The following DNHD1 variants were observed in gnomAD, a reference collection of about 807,000 sequenced individuals.
DNHD1 encodes dynein heavy chain domain-containing protein 1.
In DNHD1, 383 loss-of-function variants were observed where a neutral mutation model predicts 458.1. The ratio of observed to expected loss-of-function variants is 0.84; its 90% confidence interval spans 0.77 to 0.91. DNHD1 has a LOEUF of 0.91. DNHD1 is among the 40% of genes least tolerant of loss of function. The pLI is 0.00. For synonymous variants in DNHD1, 2,203 were observed against 2,376.9 expected (o/e 0.93, Z 2.13); for missense variants, 5,336 against 5,866.1 (o/e 0.91, Z 2.95).
chr11:6,499,562 C>G (rs545420928), intron 3 of DNHD1, among the ~76,000 whole-genome samples: 16 of 151,948 alleles, frequency 1.1e-4, no homozygotes, highest in East Asian at 7.7e-4. Context: ...TCTTTTGTTT[C>G]TTTCTTTCTT....
In DNHD1 at chr11:6,566,678, G is replaced by A; in HGVS notation, c.11298G>A (p.Leu3766=). 1 of 1,613,400 alleles carries A rather than the reference G, an allele frequency of 6.2e-7. No homozygotes were observed. Among genetic ancestry groups the A allele is most frequent in the South Asian group, 1.1e-5 (1 of 90,858 alleles). The change falls in exon 35 of 43, where the codon TTG becomes TTA. Residue 3766 remains leucine, a synonymous_variant. Coordinates refer to ENST00000254579, the MANE Select transcript of DNHD1 (RefSeq NM_144666.3). ...ILEEQMLHEI[L]CREYPELETR... The stretch of plus-strand genomic sequence containing the variant: ...AAGAACAGATGCTGCATGAAATCTT[G>A]TGCAGAGAGTATCCTGAACTCGAGA...
At position 6,565,699 on chromosome 11, in the gene DNHD1, A is replaced by G; in HGVS notation, c.10761A>G (p.Lys3587=). 2 of 1,544,064 alleles carry G rather than the reference A, an allele frequency of 1.3e-6. No homozygotes were observed. Among genetic ancestry groups the G allele is most frequent in the Non-Finnish European group, 1.7e-6 (2 of 1,144,104 alleles). ...FAPALTEGRG[K]GLMRNQKRES... The stretch of plus-strand genomic sequence containing the variant: ...CTCTGAATCTTTCTGCCCCAGGGAA[A>G]GGCCTCATGAGAAATCAAAAGAGAG... The change falls in exon 33 of 43, where the codon AAA becomes AAG. Residue 3587 remains lysine, a synonymous_variant. Coordinates refer to ENST00000254579, the MANE Select transcript of DNHD1 (RefSeq NM_144666.3).
rs1244142295 is a variant in DNHD1 at position 6,570,008 on chromosome 11, G to A, written c.12864-1G>A. 3 of 1,613,556 alleles carry A rather than the reference G, an allele frequency of 1.9e-6. No homozygotes were observed. The South Asian group carries it at 3.3e-5, about 18-fold the overall frequency. ...CCCTGCTTTCCGCTCCCCTTCTCTA[G>A]GAGTCAAGTGACTCTAACCCAGGTT... On this transcript the variant is annotated splice_acceptor_variant, in intron 39 of 42. Transcript: ENST00000254579. LOFTEE classifies it high-confidence loss of function.
chr11:6,570,668 C>A lies in DNHD1; in HGVS notation c.13156C>A (p.Leu4386Met), dbSNP rs1432413796. Residue 4386 changes from leucine to methionine, a missense_variant, in exon 42 of 43, where the codon CTG becomes ATG. Transcript: ENST00000254579. ...AGAGTGCAAGGCCCAGATGCACCTA[C>A]TGCCCTCACCACCTGAACCCCGGCT... ...MAECKAQMHL[L>M]PSPPEPRLCG... is the part of the protein sequence containing the mutation. The A allele has an allele frequency of 6.2e-7, 1 of 1,612,224 alleles. No individual in the cohort carries two copies. Among genetic ancestry groups the A allele is most frequent in the Non-Finnish European group, 8.5e-7 (1 of 1,179,200 alleles).
chr11:6,524,976 C>A (rs1852680740), intron 10 of DNHD1, among the ~76,000 whole-genome samples: 1 of 152,198 alleles, frequency 6.6e-6, no homozygotes, highest in African/African-American at 2.4e-5. Context: ...ATCTTTCCAT[C>A]ACTCTTTCCT....
Position 6,564,125 on chromosome 11 carries a change from G to A in DNHD1, c.10284+1G>A. 9 of 1,546,902 alleles carry A rather than the reference G, an allele frequency of 5.8e-6. No individual in the cohort carries two copies. The highest frequency in any genetic ancestry group is 2.6e-6 in the Non-Finnish European group (3 of 1,143,506). On this transcript the variant is annotated splice_donor_variant, in intron 31 of 42. Transcript: ENST00000254579. LOFTEE classifies it high-confidence loss of function. The stretch of plus-strand genomic sequence containing the variant: ...GCGTGCCTGGACTACACAGCTCCAG[G>A]TAACCATCCCCCTCCCAGATGTCTC...
Position 6,539,933 on chromosome 11 carries a change from C to T in DNHD1, c.3478C>T (p.Arg1160Trp), listed in dbSNP as rs566288626. 1.0e-5 allele frequency: 16 copies of T among 1,551,726 alleles called. No homozygotes were observed. Among genetic ancestry groups the T allele is most frequent in the South Asian group, 2.4e-5 (2 of 84,066 alleles). The change falls in exon 18 of 43, where the codon CGG becomes TGG. Residue 1160 changes from arginine (R) to tryptophan (W), a missense_variant. Physicochemically the swap from Arg to Trp is moderately radical, Grantham distance 101. This residue lies in a region of DNHD1 where 3,932 missense variants were observed against 4,365.6 expected (regional missense o/e 0.90). Transcript: ENST00000254579. ...CCAAGAGACTATACGGCGGTTGCAG[C>T]GGTACTGGGAAGCGCGCCAGCTGCG... is the stretch of plus-strand genomic sequence containing the variant. ...HAQETIRRLQ[R>W]YWEARQLRLL...
In DNHD1 at chr11:6,547,186, T is replaced by A; in HGVS notation, c.6247T>A (p.Trp2083Arg). The part of the protein sequence containing the change: ...QTEESIGIQH[W>R]IICDGASNGA... ...AGAGGAATCAATCGGGATCCAGCAC[T>A]GGATAATATGTGATGGAGCCTCCAA... The change falls in exon 21 of 43, where the codon TGG becomes AGG. Residue 2083 changes from tryptophan to arginine, a missense_variant. Physicochemically the swap from Trp to Arg is moderately radical, Grantham distance 101. Coordinates refer to ENST00000254579, the MANE Select transcript of DNHD1 (RefSeq NM_144666.3). The A allele has an allele frequency of 6.4e-7, 1 of 1,551,780 alleles. No homozygotes were observed. The highest frequency in any genetic ancestry group is 8.7e-7 in the Non-Finnish European group (1 of 1,147,010).
In DNHD1 at chr11:6,548,175, G is replaced by C; in HGVS notation, c.6906-35G>C. The C allele has an allele frequency of 6.5e-7, 1 of 1,549,340 alleles. No homozygotes were observed. The highest frequency in any genetic ancestry group is 8.7e-7 in the Non-Finnish European group (1 of 1,145,068). ...TGTCATAAATGGAAGTGTTGTAACT[G>C]TCTGACGCTTTTGCCTGTGTGTCCA... On this transcript the variant is annotated intron_variant, in intron 22 of 42. Transcript: ENST00000254579. The surrounding 1 kb of genome is among the most constrained non-coding windows in gnomAD (Gnocchi z 4.4).
At chr11:6,541,619 G>GT (rs1853099678) in intron 18 of DNHD1, among the ~76,000 whole-genome samples, 1 of 152,214 alleles carries the variant, frequency 6.6e-6, no homozygotes, top group Admixed American at 6.5e-5. Flanking sequence ...TGGAACTGGA[G>GT]AGGATCAGAT....
rs117055865 is a variant in DNHD1 at position 6,498,224 on chromosome 11, G to T, written c.9G>T (p.Pro3=). The T allele has an allele frequency of 3.7e-6, 6 of 1,611,336 alleles. No homozygotes were observed. Among genetic ancestry groups the T allele is most frequent in the Non-Finnish European group, 5.1e-6 (6 of 1,178,048 alleles). Residue 3 remains proline (P), a synonymous_variant, in exon 3 of 43, where the codon CCG becomes CCT. Coordinates refer to ENST00000254579, the MANE Select transcript of DNHD1 (RefSeq NM_144666.3). MV[P]EERRVGLSSD... ...TGAATGCCCAGCTCCTCATGGTCCC[G>T]GAGGAGAGGAGGGTAGGTTTGTCTT...
intron 7 of DNHD1, among the ~76,000 whole-genome samples, chr11:6,511,711 A>T (rs1377301088): frequency 6.6e-6 from 1 of 152,208 alleles, no homozygotes; most frequent in Admixed American, 6.5e-5. Flanking sequence ...TCTGTTGTTT[A>T]TGCTGACCTT....
intron 14 of DNHD1, 76 bp downstream of exon 14, chr11:6,534,249 G>A (rs1355804060): frequency 1.4e-6 from 2 of 1,448,626 alleles, no homozygotes; most frequent in Non-Finnish European, 1.8e-6. Flanking sequence ...GGAACTCAGG[G>A]TTCTGTGTCC....
chr11:6,571,117 G>T lies in DNHD1; in HGVS notation c.13605G>T (p.Leu4535Phe). Reference sequence around the variant, plus strand: ...CTCTCTGGACTGGCCGCCTACCCTTGCCTTGGCGACCTCATGCGCCGGCCG... The same window carrying T: ...CTCTCTGGACTGGCCGCCTACCCTTTCCTTGGCGACCTCATGCGCCGGCCG... ...AHALWTGRLP[L>F]PWRPHAPAGP... Residue 4535 changes from leucine (L) to phenylalanine (F), a missense_variant, in exon 42 of 43, where the codon TTG becomes TTT. Leu to Phe is a conservative substitution (Grantham distance 22). Transcript: ENST00000254579. This position sits in a 1 kb window ranked among gnomAD's most constrained non-coding sequence, Gnocchi z 5.0. 6.3e-7 allele frequency: 1 copy of T among 1,599,958 alleles called. No individual in the cohort carries two copies.
intron 3 of DNHD1, among the ~76,000 whole-genome samples, chr11:6,499,784 T>G (rs1852098917): frequency 6.6e-6 from 1 of 151,954 alleles, no homozygotes; most frequent in Non-Finnish European, 1.5e-5. Flanking sequence ...GCCAGGCTGG[T>G]CTCGAATTCC....
At chr11:6,538,290 C>A in intron 14 of DNHD1, 93 bp from the exon 15 acceptor site, 2 of 1,229,624 alleles carry the variant, frequency 1.6e-6, no homozygotes, top group Non-Finnish European at 2.3e-6. Flanking sequence ...CTGGACCCTA[C>A]CTTCTGTCAT....
At position 6,571,228 on chromosome 11, in the gene DNHD1, G is replaced by A. The variant is rs747193105; in HGVS notation, c.13716G>A (p.Ala4572=). The A allele has an allele frequency of 6.8e-6, 11 of 1,611,824 alleles. No individual in the cohort carries two copies. Among genetic ancestry groups the A allele is most frequent in the Non-Finnish European group, 9.3e-6 (11 of 1,179,436 alleles). ...GTTACTTGGGCGTGGGCGCGGACGC[G>A]AGCAGTGATGTACCAGAGCGCGTCT... ...LVRYLGVGAD[A]SSDVPERVFH... The change falls in exon 42 of 43, where the codon GCG becomes GCA. Residue 4572 remains alanine, a synonymous_variant. Coordinates refer to ENST00000254579, the MANE Select transcript of DNHD1 (RefSeq NM_144666.3). This position sits in a 1 kb window ranked among gnomAD's most constrained non-coding sequence, Gnocchi z 5.0.
At position 6,568,095 on chromosome 11, in the gene DNHD1, GC is replaced by G. The variant is rs1441370918; in HGVS notation, c.12393del (p.Trp4132GlyfsTer28). 5.7e-6 allele frequency: 9 copies of G among 1,575,824 alleles called. No individual in the cohort carries two copies. Among genetic ancestry groups the G allele is most frequent in the Admixed American group, 3.6e-5 (2 of 54,888 alleles). ...GCAGGTGATAGCCCTGGGCTCTGAA[GC>G]CTGGGACCCAGTCTCAGTTGTGGTC... ...QLQVIALGSEAWDPVSVVVST... is the reference protein window; with the variant it reads ...QLQVIALGSEXWDPVSVVVST... On this transcript the variant is annotated frameshift_variant, in exon 37 of 43. Transcript: ENST00000254579. LOFTEE classifies it high-confidence loss of function.
intron 39 of DNHD1, among the ~76,000 whole-genome samples, chr11:6,569,466 G>C (rs1011104050): frequency 3.9e-5 from 6 of 151,994 alleles, no homozygotes; most frequent in African/African-American, 1.4e-4. Context: ...CTGGGTGACA[G>C]TGCGAGACTC....
Sources: gnomAD v4.1 joint callset for allele counts (sites outside exome capture counted in the v4.1 genomes callset) on GRCh38, gnomAD v4.1.1 for gene constraint, gnomAD v4.1.1 regional missense constraint, Gnocchi (gnomAD v3.1) non-coding constraint, MANE v1.5 for transcripts, NCBI Gene and HGNC (gene_info 2026-07-23, HGNC 2026-07-21) for gene names.